The following ESPNL variants were observed in gnomAD, a reference collection of about 807,000 sequenced individuals.
The protein encoded by ESPNL is espin-like protein.
Under a neutral mutation model 46.8 loss-of-function variants are expected in ESPNL, and 49 were observed. That is an observed-to-expected ratio of 1.05 (90% confidence interval 0.83 to 1.33). The LOEUF (loss-of-function observed/expected upper bound fraction) is 1.33. Ranked by LOEUF, ESPNL falls within the 40% of genes most tolerant of loss-of-function variation. ESPNL has a pLI of 0.00. For missense variants in ESPNL, 1,540 were observed against 1,436.6 expected, an observed-to-expected ratio of 1.07 and a Z score of -1.16; for synonymous variants, 664 against 662.1, an observed-to-expected ratio of 1.00 and a Z score of -0.04.
chr2:238,119,413 T>C (rs1250926155), intron 5 of ESPNL, among the ~76,000 whole-genome samples: 304 of 84,000 alleles, frequency 3.6e-3, no homozygotes, highest in Middle Eastern at 7.6e-3. Context: ...AGGAGGTGGA[T>C]GGAGGAGGGT....
At chr2:238,106,199 G>C (rs1691595238) in intron 3 of ESPNL, among the ~76,000 whole-genome samples, 2 of 152,236 alleles carry the variant, frequency 1.3e-5, no homozygotes, top group Non-Finnish European at 2.9e-5. Flanking sequence ...CCCCGCACCT[G>C]GCACGCAGTC....
intron 6 of ESPNL, chr2:238,127,286 G>T: frequency 9.7e-7 from 1 of 1,030,938 alleles, no homozygotes; most frequent in Non-Finnish European, 1.2e-6. Context: ...GAGCATTGCA[G>T]GCAGCAAGGG....
At chr2:238,127,509 G>C (rs1692166274) in intron 6 of ESPNL, 113 bp from the exon 7 acceptor site, 1 of 1,433,300 alleles carries the variant, frequency 7.0e-7, no homozygotes, top group African/African-American at 1.5e-5. Flanking sequence ...TCAGCTCCCA[G>C]CTCGCAGATC....
rs528722839 is a variant in ESPNL, at chr2:238,130,748, C to G, written c.2034C>G (p.Ala678=). The G allele has an allele frequency of 1.9e-6, 3 of 1,563,840 alleles. No homozygotes were observed. Among genetic ancestry groups the G allele is most frequent in the East Asian group, 2.3e-5 (1 of 42,770 alleles). ...GFNPGPCEPG[A]QHRQCLSGCW... ...ACCCTGGCCCCTGCGAGCCGGGGGC[C>G]CAGCACAGGCAGTGCCTGAGTGGCT... The change falls in exon 9 of 9, where the codon GCC becomes GCG. Residue 678 remains alanine, a synonymous_variant. Coordinates refer to ENST00000343063, the MANE Select transcript of ESPNL (RefSeq NM_194312.4).
chr2:238,100,369 C>G lies in ESPNL; in HGVS notation c.-51C>G. On this transcript the variant is annotated 5_prime_UTR_variant, in exon 1 of 9. Coordinates refer to ENST00000343063, the MANE Select transcript of ESPNL (RefSeq NM_194312.4). ...CCGGCAGCTTCATCCACGTCTGAAACAGGAAGCCCCAGCCTGTGCATGAGT... is the reference window on the plus strand; with the variant it reads ...CCGGCAGCTTCATCCACGTCTGAAAGAGGAAGCCCCAGCCTGTGCATGAGT... The G allele has an allele frequency of 7.8e-7, 1 of 1,288,886 alleles. No homozygotes were observed. The highest frequency in any genetic ancestry group is 1.3e-5 in the South Asian group (1 of 76,024). The allele number at this position is 1,288,886 out of a possible 1,614,324, so 79.8% of individuals were successfully genotyped here. A position where few individuals can be genotyped will look rare whatever the true frequency, so the allele number is the denominator to read the frequency against.
intron 3 of ESPNL, among the ~76,000 whole-genome samples, chr2:238,107,324 G>C (rs986310433): frequency 2.0e-5 from 3 of 152,198 alleles, no homozygotes; most frequent in African/African-American, 7.2e-5. Flanking sequence ...TCATTGCCTG[G>C]CTCGAATCCA....
intron 5 of ESPNL, among the ~76,000 whole-genome samples, chr2:238,120,857 C>G (rs978947544): frequency 6.6e-6 from 1 of 152,262 alleles, no homozygotes; most frequent in Non-Finnish European, 1.5e-5. Flanking sequence ...GCAGGGGCTG[C>G]TCACACTGGC....
Position 238,130,975 on chromosome 2 carries a change from A to C in ESPNL, c.2261A>C (p.Tyr754Ser), listed in dbSNP as rs1447833185. The C allele has an allele frequency of 2.6e-6, 4 of 1,548,456 alleles. No individual in the cohort carries two copies. Among genetic ancestry groups the C allele is most frequent in the Non-Finnish European group, 3.5e-6 (4 of 1,147,236 alleles). Reference protein sequence around the residue: ...LFLSHWRRSAYTPALKTVACR... With the variant: ...LFLSHWRRSASTPALKTVACR... ...CTCAGCCACTGGAGGAGATCGGCCT[A>C]CACGCCGGCCCTCAAGACAGTGGCC... is the stretch of plus-strand genomic sequence containing the variant. Residue 754 changes from tyrosine to serine, a missense_variant, in exon 9 of 9, where the codon TAC becomes TCC. By Grantham distance (144) the Tyr-to-Ser change is moderately radical. Transcript: ENST00000343063.
In ESPNL at chr2:238,106,743, T is replaced by G. The variant is rs79098919; in HGVS notation, c.673-1048T>G. Reference sequence around the variant, plus strand: ...GGGGTCCTGAGGGAGGGAAACAGGGTGTCCACTGAACCCCTAGGACTGTGC... The same window carrying G: ...GGGGTCCTGAGGGAGGGAAACAGGGGGTCCACTGAACCCCTAGGACTGTGC... On this transcript the variant is annotated intron_variant, in intron 3 of 8. Transcript: ENST00000343063. Among the ~76,000 whole-genome samples, 168 of 85,872 alleles carry G rather than the reference T, an allele frequency of 2.0e-3. 3 individuals are homozygous for G. The East Asian group carries it at 0.11, about 57-fold the overall frequency. 56.3% of individuals were successfully genotyped at this position (85,872 alleles called of 152,430 possible).
chr2:238,131,000 C>T lies in ESPNL; in HGVS notation c.2286C>T (p.Ala762=), dbSNP rs908288312. 2.6e-6 allele frequency: 4 copies of T among 1,544,382 alleles called. No individual in the cohort carries two copies. The highest frequency in any genetic ancestry group is 3.5e-6 in the Non-Finnish European group (4 of 1,145,778). ...SAYTPALKTV[A]CRTLGARHAG... is the part of the protein sequence containing the mutation. ...ACACGCCGGCCCTCAAGACAGTGGC[C>T]TGCAGGACCCTAGGAGCCCGCCACG... is the stretch of plus-strand genomic sequence containing the variant. The change falls in exon 9 of 9, where the codon GCC becomes GCT. Residue 762 remains alanine (A), a synonymous_variant. Coordinates refer to ENST00000343063, the MANE Select transcript of ESPNL (RefSeq NM_194312.4).
chr2:238,120,550 C>T (rs1233137278), intron 5 of ESPNL, among the ~76,000 whole-genome samples: 1 of 152,268 alleles, frequency 6.6e-6, no homozygotes, highest in Admixed American at 6.5e-5. Context: ...CACGTCCTTC[C>T]CATCCAGAGT....
intron 7 of ESPNL, 83 bp from the exon 8 acceptor site, chr2:238,128,624 A>G: frequency 3.6e-6 from 5 of 1,393,202 alleles, no homozygotes; most frequent in Non-Finnish European, 3.9e-6. Context: ...GGCGGAGCCA[A>G]CCCCCCACGT....
In ESPNL at chr2:238,127,692, G is replaced by A. The variant is rs775725938; in HGVS notation, c.1173G>A (p.Pro391=). 6 of 1,612,322 alleles carry A rather than the reference G, an allele frequency of 3.7e-6. No individual in the cohort carries two copies. The African/African-American group carries it at 5.3e-5, about 14-fold the overall frequency. ...TTCCCAGGGAGCAGATGACCAGCCC[G>A]GCCCCTCCGAGGATCATCACCAGTG... The part of the protein sequence containing the change: ...QPLPREQMTS[P]APPRIITSAT... Residue 391 remains proline, a synonymous_variant, in exon 7 of 9, where the codon CCG becomes CCA. Coordinates refer to ENST00000343063, the MANE Select transcript of ESPNL (RefSeq NM_194312.4).
At chr2:238,116,263 T>C (rs1271453346) in intron 4 of ESPNL, among the ~76,000 whole-genome samples, 1 of 152,184 alleles carries the variant, frequency 6.6e-6, no homozygotes, top group African/African-American at 2.4e-5. Flanking sequence ...CCTCCCCAGC[T>C]TCCTTCCCTC....
chr2:238,104,703 C>T lies in ESPNL; in HGVS notation c.533C>T (p.Ala178Val), dbSNP rs149008836. The change falls in exon 3 of 9, where the codon GCC becomes GTC. Residue 178 changes from alanine (A) to valine (V), a missense_variant. Physicochemically the swap from Ala to Val is moderately conservative, Grantham distance 64. Coordinates refer to ENST00000343063, the MANE Select transcript of ESPNL (RefSeq NM_194312.4). ...TRSGASPLYL[A>V]CQEGHLHLAQ... ...AGTGGCGCCTCCCCACTCTACCTGG[C>T]CTGCCAGGAGGGCCACCTGCACCTG... 3.0e-5 allele frequency: 48 copies of T among 1,607,164 alleles called. No homozygotes were observed. The highest frequency in any genetic ancestry group is 4.1e-5 in the Non-Finnish European group (48 of 1,177,942).
At chr2:238,108,405 C>T (rs976595006) in intron 4 of ESPNL, among the ~76,000 whole-genome samples, 8 of 114,560 alleles carry the variant, frequency 7.0e-5, no homozygotes, top group Admixed American at 1.8e-4. Context: ...AAAAACCCCA[C>T]GTAGGCAGGG....
intron 5 of ESPNL, among the ~76,000 whole-genome samples, chr2:238,117,617 G>C (rs948083498): frequency 6.6e-6 from 1 of 152,234 alleles, no homozygotes; most frequent in African/African-American, 2.4e-5. Context: ...TCGTCTCTCA[G>C]CCTGGGACCC....
At chr2:238,118,992 G>A (rs111163123) in intron 5 of ESPNL, among the ~76,000 whole-genome samples, 13,726 of 116,636 alleles carry the variant, frequency 0.12, 1,548 homozygotes, top group East Asian at 0.17. Context: ...TGGAGGAGGA[G>A]TGGATGGAAG....
At chr2:238,126,823 TTCTC>T (rs562463955) in intron 6 of ESPNL, among the ~76,000 whole-genome samples, 12 of 151,208 alleles carry the variant, frequency 7.9e-5, no homozygotes, top group Admixed American at 4.6e-4. Context: ...GTCTGTGTGT[TTCTC>T]TGTGTGTGAC....
Sources: allele counts gnomAD v4.1 joint callset (sites outside exome capture counted in the v4.1 genomes callset), GRCh38; gene constraint gnomAD v4.1.1; transcripts MANE v1.5; gene names NCBI Gene and HGNC (gene_info 2026-07-23, HGNC 2026-07-21).